The following ALK variants were observed in gnomAD, a reference collection of about 807,000 sequenced individuals.
ALK encodes the protein ALK receptor tyrosine kinase.
Under a neutral mutation model 163.1 loss-of-function variants are expected in ALK, and 74 were observed. The observed-to-expected ratio is 0.45, with a 90% confidence interval of 0.38 to 0.55. ALK has a LOEUF of 0.55. Ranked by LOEUF, ALK falls within the 20% of genes least tolerant of loss-of-function variation. The pLI is 0.00. For synonymous variants in ALK, 960 were observed against 843.2 expected (o/e 1.14, Z -2.40); for missense variants, 2,063 against 2,105.3 (o/e 0.98, Z 0.39).
intron 8 of ALK, among the ~76,000 whole-genome samples, chr2:29,309,029 C>A (rs975356990): frequency 6.6e-6 from 1 of 152,064 alleles, no homozygotes; most frequent in Non-Finnish European, 1.5e-5. Context: ...CAAACGGCCT[C>A]CTCTGTGTCT....
At chr2:29,777,564 C>G (rs1681209736) in intron 1 of ALK, among the ~76,000 whole-genome samples, 2 of 152,210 alleles carry the variant, frequency 1.3e-5, no homozygotes, top group South Asian at 4.2e-4. Context: ...GACTGGCTGG[C>G]TTTCTCTTCC....
chr2:29,458,622 A>C (rs1558333522), intron 4 of ALK, among the ~76,000 whole-genome samples: 1 of 152,172 alleles, frequency 6.6e-6, no homozygotes, highest in East Asian at 1.9e-4. Flanking sequence ...CCTGTGGATC[A>C]AATTAGGAGT....
At chr2:29,649,249 C>A (rs546118031) in intron 3 of ALK, among the ~76,000 whole-genome samples, 2 of 130,496 alleles carry the variant, frequency 1.5e-5, no homozygotes, top group African/African-American at 6.2e-5. Context: ...AGAGAAAGTG[C>A]GTGCGTGTGT....
intron 8 of ALK, among the ~76,000 whole-genome samples, chr2:29,316,358 C>G (rs1409295755): frequency 1.3e-5 from 2 of 152,010 alleles, no homozygotes; most frequent in African/African-American, 4.8e-5. Flanking sequence ...TTTCATTATG[C>G]CTGCTGAGCC....
intron 3 of ALK, among the ~76,000 whole-genome samples, chr2:29,635,167 G>A (rs1255960391): frequency 6.6e-6 from 1 of 152,132 alleles, no homozygotes; most frequent in African/African-American, 2.4e-5. Context: ...CTAAGTTCAT[G>A]GATTGGAAGT....
At chr2:29,378,415 G>C (rs1668810547) in intron 5 of ALK, among the ~76,000 whole-genome samples, 1 of 152,146 alleles carries the variant, frequency 6.6e-6, no homozygotes, top group Non-Finnish European at 1.5e-5. Flanking sequence ...AAACTGCAAG[G>C]TGTGGTAGCT....
intron 4 of ALK, among the ~76,000 whole-genome samples, chr2:29,407,517 A>C (rs1291206704): frequency 6.6e-6 from 1 of 152,246 alleles, no homozygotes; most frequent in Non-Finnish European, 1.5e-5. Flanking sequence ...CTGAGTTTGA[A>C]TTCAGGGCCC....
chr2:29,334,346 T>C (rs1380285778), intron 5 of ALK, among the ~76,000 whole-genome samples: 1 of 152,246 alleles, frequency 6.6e-6, no homozygotes, highest in Non-Finnish European at 1.5e-5. Flanking sequence ...TATTTGGGAA[T>C]TGAACTCATC....
intron 3 of ALK, among the ~76,000 whole-genome samples, chr2:29,577,582 T>A (rs1674559598): frequency 6.6e-6 from 1 of 152,252 alleles, no homozygotes. Context: ...AAAAAGGAGA[T>A]GAGGGCCCTG....
At chr2:29,313,145 C>T (rs867138612) in intron 8 of ALK, among the ~76,000 whole-genome samples, 38 of 152,290 alleles carry the variant, frequency 2.5e-4, no homozygotes, top group Middle Eastern at 6.8e-3. Context: ...CTTGCTTGTT[C>T]TTCTACCAGT....
In ALK at chr2:29,338,016, A is replaced by G. The variant is rs1458294089; in HGVS notation, c.1283-9535T>C. Among the ~76,000 whole-genome samples, 6 of 152,192 alleles carry G rather than the reference A, an allele frequency of 3.9e-5. No homozygotes were observed. In the South Asian group the frequency reaches 8.3e-4, roughly 21 times the overall value. Reference sequence around the variant, plus strand: ...TGAAACGAAATCATGTGGACATAACAGAATACATGGGTTCTTATTATGGGC... The same window carrying G: ...TGAAACGAAATCATGTGGACATAACGGAATACATGGGTTCTTATTATGGGC... On this transcript the variant is annotated intron_variant, in intron 5 of 28. Coordinates refer to ENST00000389048, the MANE Select transcript of ALK (RefSeq NM_004304.5).
chr2:29,672,313 C>T (rs1362956752), intron 3 of ALK, among the ~76,000 whole-genome samples: 6 of 151,606 alleles, frequency 4.0e-5, no homozygotes, highest in African/African-American at 1.5e-4. Context: ...TCTCCCAATG[C>T]TATCCCTCCC....
chr2:29,619,834 C>T (rs1437388545), intron 3 of ALK, among the ~76,000 whole-genome samples: 1 of 152,184 alleles, frequency 6.6e-6, no homozygotes, highest in African/African-American at 2.4e-5. Context: ...TGCCTTCTGA[C>T]AATGGGAAGG....
At chr2:29,209,899 T>C (rs2148155457) in intron 24 of ALK, 21 bp from the exon 25 acceptor site, 23 of 1,597,290 alleles carry the variant, frequency 1.4e-5, no homozygotes, top group Non-Finnish European at 2.0e-5. Flanking sequence ...AGGAAATGCA[T>C]TTCCTAATTT....
chr2:29,723,357 C>A (rs935405894), intron 1 of ALK, among the ~76,000 whole-genome samples: 4 of 152,202 alleles, frequency 2.6e-5, no homozygotes, highest in Non-Finnish European at 4.4e-5. Context: ...AGGTCCCTGT[C>A]CATAGGTCAA....
At chr2:29,444,484 G>A (rs1255750491) in intron 4 of ALK, among the ~76,000 whole-genome samples, 2 of 152,156 alleles carry the variant, frequency 1.3e-5, no homozygotes, top group Non-Finnish European at 2.9e-5. Context: ...AGGAGTGGGT[G>A]CCCAGGAGAC....
chr2:29,646,669 C>G (rs1375534255), intron 3 of ALK, among the ~76,000 whole-genome samples: 1 of 152,052 alleles, frequency 6.6e-6, no homozygotes, highest in Non-Finnish European at 1.5e-5. Context: ...GCTTCAGGGC[C>G]CTTGTGGTCA....
intron 4 of ALK, among the ~76,000 whole-genome samples, chr2:29,480,478 T>G (rs922123783): frequency 1.3e-5 from 2 of 152,196 alleles, no homozygotes; most frequent in African/African-American, 4.8e-5. Flanking sequence ...GGTGTGAATC[T>G]TTTCAGAGTT....
intron 1 of ALK, among the ~76,000 whole-genome samples, chr2:29,901,324 C>A (rs867683096): frequency 6.6e-6 from 1 of 152,226 alleles, no homozygotes; most frequent in African/African-American, 2.4e-5. Context: ...TCATCATTGC[C>A]TTATCTGAGG....
Sources: allele counts gnomAD v4.1 joint callset (sites outside exome capture counted in the v4.1 genomes callset), GRCh38; gene constraint gnomAD v4.1.1; transcripts MANE v1.5; gene names NCBI Gene and HGNC (gene_info 2026-07-23, HGNC 2026-07-21).